MDGA2: variants seen among roughly 807,000 people sequenced by gnomAD.
MDGA2 encodes the protein MAM domain containing glycosylphosphatidylinositol anchor 2.
MDGA2 carries 40 observed loss-of-function variants against 117.8 expected under a neutral mutation model. The ratio of observed to expected loss-of-function variants is 0.34; its 90% CI spans 0.26 to 0.44. MDGA2 has a LOEUF of 0.44. Among genes scored for constraint, MDGA2 ranks in the 20% least tolerant of loss-of-function variants. The probability of loss-of-function intolerance (pLI) is 1.00; values close to 1 mark genes in which losing one functional copy is unlikely to be tolerated. For synonymous variants in MDGA2, 452 were observed against 439.0 expected (o/e 1.03, Z -0.37); for missense variants, 1,123 against 1,250.6 (o/e 0.90, Z 1.54).
chr14:47,367,251 T>A (rs2138382967), intron 1 of MDGA2, among the ~76,000 whole-genome samples: 1 of 152,356 alleles, frequency 6.6e-6, no homozygotes, highest in Admixed American at 6.5e-5. Flanking sequence ...ATCATCCATC[T>A]TGTTTCAGGG....
intron 8 of MDGA2, among the ~76,000 whole-genome samples, chr14:47,024,911 A>G (rs1191228183): frequency 6.6e-6 from 1 of 152,138 alleles, no homozygotes; most frequent in Admixed American, 6.6e-5. Context: ...GGAACTCACA[A>G]GGTAGATTGA....
At chr14:47,430,038 T>C (rs1892768035) in intron 1 of MDGA2, among the ~76,000 whole-genome samples, 1 of 150,028 alleles carries the variant, frequency 6.7e-6, no homozygotes, top group South Asian at 2.2e-4. Flanking sequence ...TAGAAGGTAA[T>C]GAATACATGG....
rs555277202 is a variant in MDGA2 at position 47,155,350 on chromosome 14, G to A, written c.596-11076C>T. Among the ~76,000 whole-genome samples, 9 of 152,052 alleles carry A rather than the reference G, an allele frequency of 5.9e-5. No homozygotes were observed. The East Asian group carries it at 1.4e-3, about 23-fold the overall frequency. ...CATGCCTCCCTGCTTGCCACATTGC[G>A]GATGATGAGAAGAAGAGAAGACAGA... On this transcript the variant is annotated intron_variant, in intron 3 of 16. Transcript: ENST00000399232.
At chr14:47,604,491 C>CT (rs1028030103) in intron 1 of MDGA2, among the ~76,000 whole-genome samples, 3 of 126,790 alleles carry the variant, frequency 2.4e-5, no homozygotes, top group Admixed American at 8.2e-5. Context: ...TTCCCCACCC[C>CT]CCCCCACCCT....
intron 1 of MDGA2, among the ~76,000 whole-genome samples, chr14:47,582,088 G>A (rs1290602348): frequency 6.6e-6 from 1 of 151,804 alleles, no homozygotes; most frequent in African/African-American, 2.4e-5. Flanking sequence ...AAAATTCTTA[G>A]TACAGTGTTT....
chr14:47,231,146 C>T (rs573490841), intron 2 of MDGA2, among the ~76,000 whole-genome samples: 1 of 151,986 alleles, frequency 6.6e-6, no homozygotes, highest in Non-Finnish European at 1.5e-5. Context: ...TTTCCTACTA[C>T]TGCACAATTA....
intron 8 of MDGA2, among the ~76,000 whole-genome samples, chr14:46,966,165 T>C (rs1279073884): frequency 2.0e-5 from 3 of 152,174 alleles, no homozygotes; most frequent in African/African-American, 7.2e-5. Flanking sequence ...TCACACAGAT[T>C]ATCTTTTTAT....
chr14:47,161,525 T>C (rs984534355), intron 3 of MDGA2, among the ~76,000 whole-genome samples: 2 of 151,790 alleles, frequency 1.3e-5, no homozygotes, highest in East Asian at 1.9e-4. Context: ...TTCAACTTAA[T>C]GTAATTATTT....
At chr14:46,858,081 G>A (rs1010751723) in intron 14 of MDGA2, among the ~76,000 whole-genome samples, 7 of 151,158 alleles carry the variant, frequency 4.6e-5, no homozygotes, top group African/African-American at 1.7e-4. Flanking sequence ...TATATATAAT[G>A]TAACTTGATA....
intron 9 of MDGA2, among the ~76,000 whole-genome samples, chr14:46,922,484 G>A (rs540250773): frequency 4.6e-5 from 7 of 152,030 alleles, no homozygotes; most frequent in Admixed American, 1.3e-4. Context: ...GTTTAAATAC[G>A]GAGGAACTGG....
rs573018540 is a variant in MDGA2, at chr14:47,257,840, C to A, written c.421-39645G>T. 2.2e-4 allele frequency among the ~76,000 whole-genome samples: 34 copies of A among 152,206 alleles called. No homozygotes were observed. The South Asian group carries it at 6.6e-3, about 30-fold the overall frequency. On this transcript the variant is annotated intron_variant, in intron 2 of 16. Coordinates refer to ENST00000399232, the MANE Select transcript of MDGA2 (RefSeq NM_001113498.3). ...TTGTAGCACTGGTCTCCACATACTTCTTGTTCATATTCCTCCTAGGTGACT... is the reference window on the plus strand; with the variant it reads ...TTGTAGCACTGGTCTCCACATACTTATTGTTCATATTCCTCCTAGGTGACT...
intron 15 of MDGA2, among the ~76,000 whole-genome samples, chr14:46,849,369 T>C (rs926032817): frequency 1.3e-5 from 2 of 152,016 alleles, no homozygotes; most frequent in African/African-American, 4.8e-5. Flanking sequence ...CACCAATAAA[T>C]ATTTATTGCA....
intron 1 of MDGA2, among the ~76,000 whole-genome samples, chr14:47,391,238 T>G (rs1156352178): frequency 6.6e-6 from 1 of 152,180 alleles, no homozygotes; most frequent in Non-Finnish European, 1.5e-5. Context: ...CCTAGCAACT[T>G]TTTGATTGTG....
chr14:46,872,585 C>T (rs184768987), intron 14 of MDGA2, among the ~76,000 whole-genome samples: 1 of 151,684 alleles, frequency 6.6e-6, no homozygotes, highest in Non-Finnish European at 1.5e-5. Flanking sequence ...GGAATGGTCT[C>T]GAGTAGAATC....
chr14:47,264,986 T>C (rs550733787), intron 2 of MDGA2, among the ~76,000 whole-genome samples: 67 of 152,228 alleles, frequency 4.4e-4, no homozygotes, highest in African/African-American at 1.6e-3. Context: ...AAGGTACCTA[T>C]GTTCAGTGTT....
intron 8 of MDGA2, among the ~76,000 whole-genome samples, chr14:47,017,450 G>A (rs200476701): frequency 1.3e-5 from 2 of 151,904 alleles, no homozygotes; most frequent in Non-Finnish European, 1.5e-5. Context: ...TCTATATTAT[G>A]TCCAGCTACA....
intron 5 of MDGA2, among the ~76,000 whole-genome samples, chr14:47,130,398 A>G (rs1566641665): frequency 6.6e-6 from 1 of 152,194 alleles, no homozygotes; most frequent in South Asian, 2.1e-4. Context: ...GTTTAAGACA[A>G]TTTAAATCTT....
At chr14:47,224,856 G>A (rs1424559329) in intron 2 of MDGA2, among the ~76,000 whole-genome samples, 1 of 152,080 alleles carries the variant, frequency 6.6e-6, no homozygotes, top group Non-Finnish European at 1.5e-5. Context: ...CTTTTGTCCT[G>A]CACTGATATC....
At position 47,362,608 on chromosome 14, in the gene MDGA2, A is replaced by G. The variant is rs185708308; in HGVS notation, c.281-61058T>C. Among the ~76,000 whole-genome samples the G allele has an allele frequency of 9.2e-5, 14 of 152,244 alleles. No individual in the cohort carries two copies. In the East Asian group the frequency reaches 1.9e-3, roughly 21 times the overall value. ...TTTCTAAAAAGATTACTCTGAATAT[A>G]TAAGATTATAAAGTTATTAGGTAAA... On this transcript the variant is annotated intron_variant, in intron 1 of 16. Transcript: ENST00000399232.
Sources: gnomAD v4.1 joint callset for allele counts (sites outside exome capture counted in the v4.1 genomes callset) on GRCh38, gnomAD v4.1.1 for gene constraint, MANE v1.5 for transcripts, NCBI Gene and HGNC (gene_info 2026-07-23, HGNC 2026-07-21) for gene names.